The following AFM variants were observed in gnomAD, a reference collection of about 807,000 sequenced individuals.
The protein encoded by AFM is alpha-Alb.
Under a neutral mutation model 68.7 loss-of-function variants are expected in AFM, and 82 were observed. The ratio of observed to expected loss-of-function variants is 1.19; its 90% confidence interval spans 1.00 to 1.43. The LOEUF (loss-of-function observed/expected upper bound fraction) is 1.43, where lower values mean the gene tolerates loss of function less well. Among genes scored for constraint, AFM ranks in the 40% most tolerant of loss-of-function variants. The pLI, the probability that AFM is intolerant of heterozygous loss-of-function variation, is 0.00. For synonymous variants in AFM, 250 were observed against 234.2 expected, an observed-to-expected ratio of 1.07 and a Z score of -0.61; for missense variants, 772 against 701.8, an observed-to-expected ratio of 1.10 and a Z score of -1.13.
At chr4:73,484,487 T>TTTCA (rs1560408102) in intron 3 of AFM, 97 bp downstream of exon 3, 3 of 766,126 alleles carry the variant, frequency 3.9e-6, no homozygotes, top group Non-Finnish European at 3.8e-6. Flanking sequence ...TCTTTCTTTC[T>TTTCA]TTCTTTCTTT....
chr4:73,487,836 A>G lies in AFM; in HGVS notation c.713+15A>G, dbSNP rs771863777. On this transcript the variant is annotated intron_variant, in intron 6 of 14. Transcript: ENST00000226355. ...GTACACTTTATGTGAGTTTTATACTATATGTCTTGTCTCTGCTTGCATTTC... is the reference window on the plus strand; with the variant it reads ...GTACACTTTATGTGAGTTTTATACTGTATGTCTTGTCTCTGCTTGCATTTC... 5 of 1,508,610 alleles carry G rather than the reference A, an allele frequency of 3.3e-6. No individual in the cohort carries two copies. Among genetic ancestry groups the G allele is most frequent in the Admixed American group, 3.4e-5 (2 of 58,618 alleles). The allele number at this position is 1,508,610 out of a possible 1,614,324, so 93.5% of individuals were successfully genotyped here.
Position 73,488,756 on chromosome 4 carries a change from C to T in AFM, c.840C>T (p.Asp280=). Residue 280 remains aspartate, a synonymous_variant, in exon 7 of 15, where the codon GAC becomes GAT. Transcript: ENST00000226355. ...CEGDVVQCIR[D]TSKVMNHICS... is the part of the protein sequence containing the mutation. ...GGGATGTTGTGCAGTGCATCCGTGA[C>T]ACGGTGAATATTCTCTAAAACCAAG... The T allele has an allele frequency of 6.2e-7, 1 of 1,605,508 alleles. No homozygotes were observed. Among genetic ancestry groups the T allele is most frequent in the Non-Finnish European group, 8.5e-7 (1 of 1,177,576 alleles).
chr4:73,502,086 A>G (rs949633718), intron 13 of AFM, among the ~76,000 whole-genome samples, 167 bp downstream of exon 13: 3 of 152,194 alleles, frequency 2.0e-5, no homozygotes, highest in Non-Finnish European at 4.4e-5. Flanking sequence ...ATACACTTTG[A>G]GCAGTGTCTC....
At position 73,483,989 on chromosome 4, in the gene AFM, T is replaced by A. The variant is rs748783361; in HGVS notation, c.137T>A (p.Ile46Asn). 6.6e-7 allele frequency: 1 copy of A among 1,522,650 alleles called. No individual in the cohort carries two copies. Among genetic ancestry groups the A allele is most frequent in the Non-Finnish European group, 9.0e-7 (1 of 1,113,050 alleles). The allele number at this position is 1,522,650 out of a possible 1,614,324, so 94.3% of individuals were successfully genotyped here. A position where few individuals can be genotyped will look rare whatever the true frequency, so the allele number is the denominator to read the frequency against. The change falls in exon 2 of 15, where the codon ATC (isoleucine) becomes AAC (asparagine). Residue 46 changes from isoleucine to asparagine, a missense_variant and splice_region_variant. Transcript: ENST00000226355. Reference sequence around the variant, plus strand: ...TTTATAGAAGATAATATTGAATACATGTGAGTTGTGCTAAATACTTTTTGA... The same window carrying A: ...TTTATAGAAGATAATATTGAATACAAGTGAGTTGTGCTAAATACTTTTTGA... Reference protein sequence around the residue: ...QKFIEDNIEYITIIAFAQYVQ... With the variant: ...QKFIEDNIEYNTIIAFAQYVQ...
At chr4:73,499,939 C>T in intron 11 of AFM, 65 bp from the exon 12 acceptor site, 1 of 1,356,306 alleles carries the variant, frequency 7.4e-7, no homozygotes, top group Non-Finnish European at 1.1e-6. Flanking sequence ...TTCATCTAAC[C>T]ATATTTTTAG....
At chr4:73,488,401 G>GT (rs11346041) in intron 6 of AFM, among the ~76,000 whole-genome samples, 184 of 151,642 alleles carry the variant, frequency 1.2e-3, no homozygotes, top group African/African-American at 4.3e-3. Context: ...TCTCAGTTTT[G>GT]TTTTTTTTCA....
intron 12 of AFM, among the ~76,000 whole-genome samples, chr4:73,501,573 T>G (rs1012615766): frequency 1.3e-5 from 2 of 152,118 alleles, no homozygotes; most frequent in Non-Finnish European, 2.9e-5. Context: ...TATAATTTTG[T>G]GTGTGACAAA....
intron 1 of AFM, 132 bp from the exon 2 acceptor site, chr4:73,483,809 A>G: frequency 1.5e-6 from 1 of 675,052 alleles, no homozygotes; most frequent in Non-Finnish European, 2.3e-6. Flanking sequence ...TTCTTGTTAA[A>G]TATGCAAAAT....
intron 4 of AFM, among the ~76,000 whole-genome samples, chr4:73,486,305 G>A (rs1894293): frequency 0.61 from 92,863 of 152,006 alleles, 29,811 homozygotes; most frequent in Non-Finnish European, 0.72. Context: ...TCTTCTAATT[G>A]GTAAGTCCTA....
chr4:73,484,200 T>G, intron 2 of AFM, 58 bp from the exon 3 acceptor site: 1 of 1,537,096 alleles, frequency 6.5e-7, no homozygotes, highest in Non-Finnish European at 8.7e-7. Flanking sequence ...GACTTTTTCT[T>G]GACCATAAAT....
At position 73,500,227 on chromosome 4, in the gene AFM, G is replaced by A. The variant is rs1046227573; in HGVS notation, c.1646G>A (p.Arg549Lys). Residue 549 changes from arginine (R) to lysine (K), a missense_variant and splice_region_variant, in exon 12 of 15, where the codon AGG becomes AAG. Physicochemically the swap from Arg to Lys is conservative, Grantham distance 26. Coordinates refer to ENST00000226355, the MANE Select transcript of AFM (RefSeq NM_001133.2). Reference sequence around the variant, plus strand: ...GAGGAGCTTCAGAGGAAGACAGACAGGTACAAATAATCTCTTCCATTCTTC... The same window carrying A: ...GAGGAGCTTCAGAGGAAGACAGACAAGTACAAATAATCTCTTCCATTCTTC... ...QNEELQRKTD[R>K]FLVNLVKLKH... 12 of 1,605,246 alleles carry A rather than the reference G, an allele frequency of 7.5e-6. No individual in the cohort carries two copies. The highest frequency in any genetic ancestry group is 1.0e-5 in the Non-Finnish European group (12 of 1,174,532).
At chr4:73,497,776 C>G (rs1402648093) in intron 10 of AFM, 27 bp downstream of exon 10, 15 of 1,401,832 alleles carry the variant, frequency 1.1e-5, no homozygotes, top group Non-Finnish European at 1.5e-5. Flanking sequence ...AGTGGGCTAA[C>G]ACTTGCCACT....
At chr4:73,502,907 A>AAAAAC (rs773034799) in intron 13 of AFM, 143 bp from the exon 14 acceptor site, 135 of 804,712 alleles carry the variant, frequency 1.7e-4, no homozygotes, top group Non-Finnish European at 2.5e-4. Context: ...TTTTCACTAG[A>AAAAAC]AGAAAGAATG....
In AFM at chr4:73,484,474, C is replaced by CTT. The variant is rs1553893991; in HGVS notation, c.270+86_270+87dup. The CTT allele has an allele frequency of 8.8e-3, 5,157 of 585,024 alleles. 49 individuals carry two copies. The highest frequency in any genetic ancestry group is 9.4e-3 in the Non-Finnish European group (3,422 of 365,956). The allele number at this position is 585,024 out of a possible 1,614,324, so 36.2% of individuals were successfully genotyped here. ...TCTTTCTTTCTTTCTTTCTTTCTTT[C>CTT]TTTCTTTCTTTCTTTCTTTCTTTCT... On this transcript the variant is annotated intron_variant, in intron 3 of 14. Transcript: ENST00000226355.
At chr4:73,487,151 A>G (rs751223595) in intron 5 of AFM, 52 bp downstream of exon 5, 2 of 1,592,550 alleles carry the variant, frequency 1.3e-6, no homozygotes, top group Admixed American at 1.7e-5. Flanking sequence ...TCAATACCAC[A>G]GATCCAGACC....
intron 13 of AFM, among the ~76,000 whole-genome samples, chr4:73,502,434 G>A (rs1408674049): frequency 6.8e-6 from 1 of 146,762 alleles, no homozygotes; most frequent in African/African-American, 2.8e-5. Context: ...GGAGGGTAAG[G>A]GTAGTCAGGG....
At chr4:73,483,918 A>T (rs1228196127) in intron 1 of AFM, 23 bp from the exon 2 acceptor site, 1 of 1,500,446 alleles carries the variant, frequency 6.7e-7, no homozygotes, top group East Asian at 2.3e-5. Context: ...CTATGTAATA[A>T]CCTAAATATT....
intron 10 of AFM, 140 bp downstream of exon 10, chr4:73,497,889 A>G (rs1560413642): frequency 4.1e-6 from 2 of 493,022 alleles, no homozygotes; most frequent in East Asian, 3.4e-5. Context: ...TTTAAAGTCA[A>G]GAATGCCTAT....
At chr4:73,502,740 C>T (rs555691793) in intron 13 of AFM, among the ~76,000 whole-genome samples, 1 of 152,220 alleles carries the variant, frequency 6.6e-6, no homozygotes, top group East Asian at 1.9e-4. Context: ...GGAAATTTTT[C>T]TGGGGTACAT....
Sources: allele counts gnomAD v4.1 joint callset (sites outside exome capture counted in the v4.1 genomes callset), GRCh38; gene constraint gnomAD v4.1.1; transcripts MANE v1.5; gene names NCBI Gene and HGNC (gene_info 2026-07-23, HGNC 2026-07-21).